Variants in AGBL1 observed in about 807,000 individuals in gnomAD.
AGBL1 encodes the protein cytosolic carboxypeptidase 4.
AGBL1 carries 130 observed loss-of-function variants against 118.9 expected under a neutral mutation model. The ratio of observed to expected loss-of-function variants is 1.09; its 90% CI spans 0.95 to 1.26. The LOEUF (loss-of-function observed/expected upper bound fraction) is 1.26. Among genes scored for constraint, AGBL1 ranks in the 50% most tolerant of loss-of-function variants. AGBL1 has a pLI of 0.00. For synonymous variants in AGBL1, 555 were observed against 478.9 expected, an observed-to-expected ratio of 1.16 and a Z score of -2.08; for missense variants, 1,584 against 1,298.1, an observed-to-expected ratio of 1.22 and a Z score of -3.38.
chr15:86,571,135 G>A (rs2084000700), intron 21 of AGBL1, among the ~76,000 whole-genome samples: 1 of 152,168 alleles, frequency 6.6e-6, no homozygotes, highest in African/African-American at 2.4e-5. Context: ...GTGGCACCCT[G>A]AAGTTTGGAG....
chr15:86,443,586 C>T (rs2082088720), intron 18 of AGBL1, among the ~76,000 whole-genome samples: 1 of 152,126 alleles, frequency 6.6e-6, no homozygotes, highest in Non-Finnish European at 1.5e-5. Flanking sequence ...ATTAACAAAC[C>T]TCTCACCATT....
chr15:86,143,857 C>A lies in AGBL1; in HGVS notation c.262+12C>A, dbSNP rs747244489. The A allele has an allele frequency of 1.1e-5, 17 of 1,612,788 alleles. No individual in the cohort carries two copies. The highest frequency in any genetic ancestry group is 1.4e-5 in the Non-Finnish European group (17 of 1,179,310). ...AGTTGGCCTAAGAGGTACTCGTACT[C>A]CAAGACCTAAAGCTGACTGAAAAGG... On this transcript the variant is annotated intron_variant, in intron 3 of 22. Transcript: ENST00000614907.
At chr15:86,306,693 T>G (rs1193462236) in intron 17 of AGBL1, among the ~76,000 whole-genome samples, 2 of 152,214 alleles carry the variant, frequency 1.3e-5, no homozygotes, top group African/African-American at 4.8e-5. Context: ...GCAGTGGGCT[T>G]GCTGGATCAT....
In AGBL1 at chr15:86,165,828, T is replaced by C. The variant is rs577106757; in HGVS notation, c.488+6802T>C. Among the ~76,000 whole-genome samples, 597 of 152,228 alleles carry C rather than the reference T, an allele frequency of 3.9e-3. 2 individuals carry two copies. Among genetic ancestry groups the C allele is most frequent in the Non-Finnish European group, 5.6e-3 (383 of 68,006 alleles). On this transcript the variant is annotated intron_variant, in intron 5 of 22. Transcript: ENST00000614907. ...CACCCCAGCCTCACAAGCGCTGATA[T>C]TGGGGGCGTGCACCATGAGCTCAAG...
chr15:86,220,359 C>T (rs185443230), intron 5 of AGBL1, among the ~76,000 whole-genome samples: 1 of 152,234 alleles, frequency 6.6e-6, no homozygotes, highest in East Asian at 1.9e-4. Flanking sequence ...CTCTAGCATT[C>T]CCGTGAAGAT....
At chr15:86,580,196 C>T (rs1397414068) in intron 21 of AGBL1, among the ~76,000 whole-genome samples, 1 of 152,152 alleles carries the variant, frequency 6.6e-6, no homozygotes, top group Non-Finnish European at 1.5e-5. Context: ...CACAGCTGAC[C>T]TTATCCATGT....
In AGBL1 at chr15:86,963,463, T is replaced by A. The variant is rs12324213; in HGVS notation, c.3222-24524T>A. Among the ~76,000 whole-genome samples the A allele has an allele frequency of 6.2e-3, 939 of 152,126 alleles. 6 individuals are homozygous for A. Among genetic ancestry groups the A allele is most frequent in the African/African-American group, 0.022 (898 of 41,538 alleles). ...CCTCAGATCAGTTAGACATAAACTT[T>A]CCAATCAAAGGGAACATCATCTAGT... On this transcript the variant is annotated intron_variant, in intron 23 of 24. Coordinates refer to the AGBL1 transcript ENST00000441037.
intron 23 of AGBL1, among the ~76,000 whole-genome samples, chr15:86,955,233 T>C (rs1305232234): frequency 1.3e-5 from 2 of 152,134 alleles, no homozygotes; most frequent in South Asian, 2.1e-4. Flanking sequence ...ATAAATGTTA[T>C]TAAATATTCA....
chr15:86,564,552 C>A (rs2142294590), intron 21 of AGBL1, among the ~76,000 whole-genome samples: 1 of 152,300 alleles, frequency 6.6e-6, no homozygotes, highest in East Asian at 1.9e-4. Context: ...TTCTCTCTGG[C>A]TGCCCTTAAC....
intron 20 of AGBL1, among the ~76,000 whole-genome samples, chr15:86,546,573 T>C (rs2083585881): frequency 6.6e-6 from 1 of 152,140 alleles, no homozygotes; most frequent in Non-Finnish European, 1.5e-5. Context: ...TGATACTGAA[T>C]ACAAAAGGAC....
intron 5 of AGBL1, among the ~76,000 whole-genome samples, chr15:86,215,893 C>G (rs1287544262): frequency 6.6e-6 from 1 of 152,132 alleles, no homozygotes; most frequent in Non-Finnish European, 1.5e-5. Context: ...AAAAATGATA[C>G]TTGTGTGATT....
chr15:86,258,759 T>C (rs556162894), intron 9 of AGBL1, among the ~76,000 whole-genome samples: 1 of 152,038 alleles, frequency 6.6e-6, no homozygotes, highest in East Asian at 1.9e-4. Context: ...CAGGCTGGAG[T>C]GCAGTGGTGT....
At chr15:86,824,706 A>G (rs2078983867) in intron 22 of AGBL1, among the ~76,000 whole-genome samples, 1 of 152,180 alleles carries the variant, frequency 6.6e-6, no homozygotes, top group Admixed American at 6.6e-5. Context: ...ATAGTAATCA[A>G]GGCAGCATGA....
At chr15:86,354,134 A>T (rs1490327546) in intron 17 of AGBL1, among the ~76,000 whole-genome samples, 1 of 152,216 alleles carries the variant, frequency 6.6e-6, no homozygotes, top group Non-Finnish European at 1.5e-5. Context: ...CACACCTTGT[A>T]CATGGAACAA....
chr15:86,537,369 G>A (rs979497737), intron 19 of AGBL1, among the ~76,000 whole-genome samples: 2 of 152,206 alleles, frequency 1.3e-5, no homozygotes, highest in African/African-American at 4.8e-5. Context: ...CGAGACAGAT[G>A]GCAAAGGCCT....
chr15:87,006,682 G>A (rs909109666), intron 24 of AGBL1, among the ~76,000 whole-genome samples: 1 of 152,132 alleles, frequency 6.6e-6, no homozygotes, highest in South Asian at 2.1e-4. Context: ...CATGCTTTGT[G>A]CACTGCACCC....
chr15:86,156,681 T>C (rs1251423523), intron 4 of AGBL1, among the ~76,000 whole-genome samples: 4 of 152,318 alleles, frequency 2.6e-5, no homozygotes, highest in Admixed American at 2.0e-4. Context: ...TCTTTTGAAA[T>C]AGTAGAATGA....
intron 21 of AGBL1, among the ~76,000 whole-genome samples, chr15:86,566,525 AT>A (rs894397777): frequency 3.9e-5 from 6 of 151,924 alleles, no homozygotes; most frequent in East Asian, 3.9e-4. Flanking sequence ...GAAACAGCCA[AT>A]TTTTTTTATA....
At chr15:86,660,444 C>G (rs1050778323) in intron 21 of AGBL1, among the ~76,000 whole-genome samples, 1 of 152,094 alleles carries the variant, frequency 6.6e-6, no homozygotes, top group African/African-American at 2.4e-5. Context: ...ACGTATCATC[C>G]TCTCTTCAAA....
Sources: gnomAD v4.1 joint callset for allele counts (sites outside exome capture counted in the v4.1 genomes callset) on GRCh38, gnomAD v4.1.1 for gene constraint, MANE v1.5 for transcripts, NCBI Gene and HGNC (gene_info 2026-07-23, HGNC 2026-07-21) for gene names.